Variants in SYNE1 observed in about 807,000 individuals in gnomAD.
SYNE1 encodes the protein nesprin-1.
SYNE1 carries 616 observed loss-of-function variants against 1,111.0 expected under a neutral mutation model. That is an observed-to-expected ratio of 0.55 (90% confidence interval 0.52 to 0.59). The LOEUF is 0.59. Ranked by LOEUF, SYNE1 falls within the 20% of genes least tolerant of loss-of-function variation. SYNE1 has a pLI of 0.00. For synonymous variants in SYNE1, 3,855 were observed against 3,825.8 expected, an observed-to-expected ratio of 1.01 and a Z score of -0.28; for missense variants, 10,006 against 10,417.0, an observed-to-expected ratio of 0.96 and a Z score of 1.72.
chr6:152,139,437 G>C (rs902348108), intron 140 of SYNE1, among the ~76,000 whole-genome samples: 6 of 151,692 alleles, frequency 4.0e-5, no homozygotes, highest in Admixed American at 3.9e-4. Context: ...CAGGCATGGT[G>C]GTGCGTGCCT....
intron 34 of SYNE1, 128 bp from the exon 35 acceptor site, chr6:152,430,837 A>C: frequency 1.1e-6 from 1 of 890,972 alleles, no homozygotes; most frequent in South Asian, 1.4e-5. Flanking sequence ...GTTAGAGCGC[A>C]GCTGTGAGCA....
intron 3 of SYNE1, among the ~76,000 whole-genome samples, chr6:152,564,530 T>C (rs957133292): frequency 1.3e-5 from 2 of 152,154 alleles, no homozygotes; most frequent in Non-Finnish European, 2.9e-5. Flanking sequence ...TTGCCTAGGC[T>C]GGTCTTGAGC....
chr6:152,160,187 T>C (rs2062173148), intron 131 of SYNE1, among the ~76,000 whole-genome samples: 1 of 152,184 alleles, frequency 6.6e-6, no homozygotes, highest in Admixed American at 6.5e-5. Context: ...TTTGTATTTT[T>C]AGTAGAGACG....
Position 152,308,519 on chromosome 6 carries a change from C to G in SYNE1, c.17316G>C (p.Gln5772His). The G allele has an allele frequency of 6.2e-7, 1 of 1,613,994 alleles. No individual in the cohort carries two copies. Among genetic ancestry groups the G allele is most frequent in the Middle Eastern group, 1.7e-4 (1 of 6,060 alleles). ...EDKPVATSNIQELQAQISRHE... is the reference protein window; with the variant it reads ...EDKPVATSNIHELQAQISRHE... ...GCCGAGAAATCTGAGCCTGCAGCTCCTGTATGTTACTGGTGGCAACAGGTT... is the reference window on the plus strand; with the variant it reads ...GCCGAGAAATCTGAGCCTGCAGCTCGTGTATGTTACTGGTGGCAACAGGTT... Residue 5772 changes from glutamine to histidine, a missense_variant, in exon 91 of 146, where the codon CAG (glutamine) becomes CAC (histidine). This residue lies in a region of SYNE1 where 4,955 missense variants were observed against 5,017.2 expected (regional missense o/e 0.99). Transcript: ENST00000367255.
Position 152,330,673 on chromosome 6 carries a change from A to C in SYNE1, c.14012T>G (p.Leu4671Arg), listed in dbSNP as rs1265670212. The C allele has an allele frequency of 1.9e-6, 3 of 1,614,006 alleles. No homozygotes were observed. Among genetic ancestry groups the C allele is most frequent in the East Asian group, 4.5e-5 (2 of 44,886 alleles). The change falls in exon 78 of 146, where the codon CTT becomes CGT. Residue 4671 changes from leucine (L) to arginine (R), a missense_variant. This residue lies in a region of SYNE1 where 4,955 missense variants were observed against 5,017.2 expected (regional missense o/e 0.99). Coordinates refer to ENST00000367255, the MANE Select transcript of SYNE1 (RefSeq NM_182961.4). ...DKFYKVQEAILARKEYASLIE... is the reference protein window; with the variant it reads ...DKFYKVQEAIRARKEYASLIE... ...CAAGGAAGCATATTCCTTCCGAGCAAGAATTGCTTCCTGGACTTTATAGAA... is the reference window on the plus strand; with the variant it reads ...CAAGGAAGCATATTCCTTCCGAGCACGAATTGCTTCCTGGACTTTATAGAA...
intron 22 of SYNE1, among the ~76,000 whole-genome samples, chr6:152,456,361 C>T (rs372972660): frequency 2.0e-5 from 3 of 151,732 alleles, no homozygotes; most frequent in East Asian, 1.9e-4. Flanking sequence ...GGTCTGCATT[C>T]CTCTAGTAAG....
chr6:152,259,781 C>T (rs1464342024), intron 101 of SYNE1, among the ~76,000 whole-genome samples: 1 of 152,160 alleles, frequency 6.6e-6, no homozygotes, highest in African/African-American at 2.4e-5. Context: ...TTCACCTTTT[C>T]ACACCACAGA....
chr6:152,218,215 C>G lies in SYNE1; in HGVS notation c.22191+42G>C, dbSNP rs9371243. The G allele has an allele frequency of 0.23, 374,102 of 1,608,724 alleles. 47,857 individuals are homozygous for G. The highest frequency in any genetic ancestry group is 0.53 in the East Asian group (23,655 of 44,732). On this transcript the variant is annotated intron_variant, in intron 121 of 145. Transcript: ENST00000367255. ...TCAAAAAAAAAAAGATTTTTGAAGA[C>G]AGATGGTAAAAGATCTGGGACTCAG...
At chr6:152,127,833 A>C (rs934167005) in intron 145 of SYNE1, 1 of 151,434 alleles carries the variant, frequency 6.6e-6, no homozygotes, top group African/African-American at 2.4e-5. Flanking sequence ...CATGCAAAAA[A>C]CCCCCACTGC....
At chr6:152,299,546 C>A (rs2095060036) in intron 93 of SYNE1, among the ~76,000 whole-genome samples, 1 of 152,162 alleles carries the variant, frequency 6.6e-6, no homozygotes, top group Non-Finnish European at 1.5e-5. Context: ...TCCTCAGGAA[C>A]CAACACAAGG....
rs114858512 is a variant in SYNE1, at chr6:152,354,785, C to T, written c.10800G>A (p.Leu3600=). 211 of 1,614,210 alleles carry T rather than the reference C, an allele frequency of 1.3e-4. No individual in the cohort carries two copies. In the African/African-American group the frequency reaches 2.6e-3, roughly 20 times the overall value. ...RTQFNNVVNK[L]RLMEQKFQQV... Reference sequence around the variant, plus strand: ...GCTGAAACTTTTGCTCCATTAGCCTCAATTTGTTCACCACGTTATTGAACT... The same window carrying T: ...GCTGAAACTTTTGCTCCATTAGCCTTAATTTGTTCACCACGTTATTGAACT... Residue 3600 remains leucine, a synonymous_variant, in exon 67 of 146, where the codon TTG becomes TTA. Transcript: ENST00000367255.
chr6:152,368,925 T>G (rs768539073), intron 61 of SYNE1, 47 bp downstream of exon 61: 4 of 1,613,344 alleles, frequency 2.5e-6, no homozygotes, highest in East Asian at 2.2e-5. Context: ...AACTCCAATT[T>G]TGCGACATCA....
chr6:152,132,829 A>G (rs1377269699), intron 143 of SYNE1, among the ~76,000 whole-genome samples: 4 of 150,192 alleles, frequency 2.7e-5, no homozygotes, highest in African/African-American at 5.0e-5. Context: ...TTGATTGTAG[A>G]AAAAAAAATA....
chr6:152,136,741 A>G lies in SYNE1; in HGVS notation c.25536T>C (p.Ala8512=), dbSNP rs1475402067. Residue 8512 remains alanine, a synonymous_variant, in exon 141 of 146, where the codon GCT becomes GCC. Transcript: ENST00000367255. ...INLCSPEFTQ[A]DSKESRDLQD... ...GCAGGTCCCGGCTCTCCTTGCTGTCAGCCTGGGTGAACTCAGGGCTGCAGA... is the reference window on the plus strand; with the variant it reads ...GCAGGTCCCGGCTCTCCTTGCTGTCGGCCTGGGTGAACTCAGGGCTGCAGA... 3 of 1,614,250 alleles carry G rather than the reference A, an allele frequency of 1.9e-6. No homozygotes were observed. In the Admixed American group the frequency reaches 5.0e-5, roughly 27 times the overall value.
At chr6:152,424,627 G>A (rs964413275) in intron 39 of SYNE1, among the ~76,000 whole-genome samples, 2 of 152,130 alleles carry the variant, frequency 1.3e-5, no homozygotes, top group Non-Finnish European at 2.9e-5. Context: ...GTACTCAGCA[G>A]GCACCTGATA....
rs748474553 is a variant in SYNE1 at position 152,133,477 on chromosome 6, A to C, written c.25800T>G (p.His8600Gln). ...CTCTGAGTTGGGATTCCAACAGCTC[A>C]TGCTTTATTTGCTATGCATACAAAA... ...DHHKQLMQIK[H>Q]ELLESQLRVA... is the part of the protein sequence containing the mutation. The change falls in exon 143 of 146, where the codon CAT becomes CAG. Residue 8600 changes from histidine to glutamine, a missense_variant. By Grantham distance (24) the His-to-Gln change is conservative. Transcript: ENST00000367255. The C allele has an allele frequency of 5.6e-6, 9 of 1,614,108 alleles. No homozygotes were observed. In the African/African-American group the frequency reaches 1.2e-4, roughly 22 times the overall value.
intron 56 of SYNE1, among the ~76,000 whole-genome samples, chr6:152,379,960 T>A (rs1234884733): frequency 6.6e-6 from 1 of 152,224 alleles, no homozygotes; most frequent in African/African-American, 2.4e-5. Context: ...TTTTTTCATA[T>A]TATACCATGT....
intron 16 of SYNE1, among the ~76,000 whole-genome samples, chr6:152,467,672 G>A (rs774128724): frequency 3.2e-4 from 49 of 152,052 alleles, no homozygotes; most frequent in Non-Finnish European, 5.9e-4. Context: ...TCTGGTCCAC[G>A]AGGCAGGAAA....
intron 3 of SYNE1, among the ~76,000 whole-genome samples, chr6:152,597,818 G>GA (rs1226652753): frequency 2.6e-5 from 4 of 152,052 alleles, no homozygotes; most frequent in South Asian, 2.1e-4. Flanking sequence ...TTCTTCTCTA[G>GA]AAAATCTCCC....
Sources: gnomAD v4.1 joint callset for allele counts (sites outside exome capture counted in the v4.1 genomes callset) on GRCh38, gnomAD v4.1.1 for gene constraint, gnomAD v4.1.1 regional missense constraint, MANE v1.5 for transcripts, NCBI Gene and HGNC (gene_info 2026-07-23, HGNC 2026-07-21) for gene names.